Variants in KYAT1 observed in about 807,000 individuals in gnomAD.
The protein encoded by KYAT1 is kynurenine--oxoglutarate transaminase 1.
In KYAT1, 47 loss-of-function variants were observed where a neutral mutation model predicts 52.4. That is an observed-to-expected ratio of 0.90 (90% CI 0.71 to 1.14). The LOEUF (loss-of-function observed/expected upper bound fraction) is 1.14. Ranked by LOEUF, KYAT1 falls within the 50% of genes most tolerant of loss-of-function variation. The pLI, the probability that KYAT1 is intolerant of heterozygous loss-of-function variation, is 0.00. For missense variants in KYAT1, 480 were observed against 557.9 expected (o/e 0.86, Z 1.41); for synonymous variants, 212 against 209.6 (o/e 1.01, Z -0.10).
intron 1 of KYAT1, chr9:128,846,937 G>A: frequency 8.0e-7 from 1 of 1,243,256 alleles, no homozygotes. Context: ...TCTCACTAGA[G>A]GTGCCACAAT....
At chr9:128,880,608 A>AT (rs1202197415) in intron 1 of KYAT1, among the ~76,000 whole-genome samples, 1 of 151,642 alleles carries the variant, frequency 6.6e-6, no homozygotes, top group Admixed American at 6.6e-5. Flanking sequence ...CACCCGGCTA[A>AT]TTTTTTTGTA....
At chr9:128,841,654 C>A (rs1026908323) in intron 3 of KYAT1, among the ~76,000 whole-genome samples, 2 of 149,924 alleles carry the variant, frequency 1.3e-5, no homozygotes, top group African/African-American at 4.9e-5. Flanking sequence ...CGAGATTGCG[C>A]CCCTGCACTC....
Position 128,836,012 on chromosome 9 carries a change from G to A in KYAT1, c.750C>T (p.Ser250=), listed in dbSNP as rs1351929882. 11 of 1,613,380 alleles carry A rather than the reference G, an allele frequency of 6.8e-6. No homozygotes were observed. Among genetic ancestry groups the A allele is most frequent in the African/African-American group, 1.3e-5 (1 of 74,914 alleles). ...LTIGSAGKTF[S]ATGWKVGWVL... ...AGCAACTCACCTTCCAGCCAGTGGC[G>A]CTGAAGGTCTTGCCGGCGCTGCCGA... Residue 250 remains serine, a synonymous_variant, in exon 8 of 13, where the codon AGC becomes AGT. Coordinates refer to ENST00000302586, the MANE Select transcript of KYAT1 (RefSeq NM_004059.5).
In KYAT1 at chr9:128,837,788, C is replaced by G; in HGVS notation, c.464G>C (p.Gly155Ala). The G allele has an allele frequency of 1.2e-6, 2 of 1,614,050 alleles. No homozygotes were observed. The highest frequency in any genetic ancestry group is 1.7e-6 in the Non-Finnish European group (2 of 1,179,986). Residue 155 changes from glycine (G) to alanine (A), a missense_variant, in exon 6 of 13, where the codon GGT (glycine) becomes GCT (alanine). Gly to Ala is a moderately conservative substitution (Grantham distance 60). Transcript: ENST00000302586. ...GTCCAGCTGCCAGTTGCTGCTGGAA[C>G]CCAGTTCTCCATTCTGGATGGGACC... The part of the protein sequence containing the change: ...KPGPIQNGEL[G>A]SSSNWQLDPM...
At chr9:128,860,735 G>C (rs1236718624) in intron 1 of KYAT1, among the ~76,000 whole-genome samples, 1 of 151,966 alleles carries the variant, frequency 6.6e-6, no homozygotes, top group Non-Finnish European at 1.5e-5. Flanking sequence ...GCTAATTTTT[G>C]TATTTTTAGT....
intron 1 of KYAT1, among the ~76,000 whole-genome samples, chr9:128,854,436 G>A (rs1834338153): frequency 6.6e-6 from 1 of 152,176 alleles, no homozygotes; most frequent in Admixed American, 6.5e-5. Context: ...GTGGGGGAGA[G>A]GTTTTGCTCG....
In KYAT1 at chr9:128,858,394, A is replaced by AT. The variant is rs1554812484; in HGVS notation, c.-6-12984dup. ...CCTGGGCAACAGAGTGAGACCATGT[A>AT]TAAAAAAAAAAAAAAAAAAAAGCCC... On this transcript the variant is annotated intron_variant, in intron 1 of 12. Coordinates refer to ENST00000302586, the MANE Select transcript of KYAT1 (RefSeq NM_004059.5). Among the ~76,000 whole-genome samples the AT allele has an allele frequency of 1.2e-4, 14 of 112,556 alleles. 1 individual carries two copies. Among genetic ancestry groups the AT allele is most frequent in the Admixed American group, 5.7e-4 (6 of 10,520 alleles). 73.8% of individuals were successfully genotyped at this position (112,556 alleles called of 152,430 possible).
intron 1 of KYAT1, chr9:128,846,600 C>CAAA (rs57333664): frequency 2.7e-3 from 1,112 of 418,600 alleles, no homozygotes; most frequent in South Asian, 5.9e-3. Flanking sequence ...AAGACTCTAC[C>CAAA]AAAAAAAAAA....
intron 1 of KYAT1, chr9:128,846,586 G>A (rs1423808804): frequency 1.2e-5 from 11 of 941,498 alleles, no homozygotes; most frequent in East Asian, 1.1e-4. Flanking sequence ...CCGACCCAAC[G>A]AGCAAGACTC....
intron 3 of KYAT1, 35 bp downstream of exon 3, chr9:128,842,619 C>T (rs751947506): frequency 1.2e-6 from 2 of 1,602,034 alleles, no homozygotes; most frequent in East Asian, 4.5e-5. Flanking sequence ...TCCCCTTCCT[C>T]CCCCAGTGCC....
At chr9:128,868,053 G>A (rs1476747368) in intron 1 of KYAT1, among the ~76,000 whole-genome samples, 3 of 151,200 alleles carry the variant, frequency 2.0e-5, no homozygotes, top group Non-Finnish European at 2.9e-5. Flanking sequence ...GATTACAGGC[G>A]TGAGCCACTG....
upstream of KYAT1, chr9:128,882,462 C>T: frequency 2.7e-6 from 1 of 366,698 alleles, no homozygotes; most frequent in Non-Finnish European, 4.9e-6. Context: ...GCCGGCTCCG[C>T]GGCGCGCGAG....
intron 3 of KYAT1, 108 bp from the exon 4 acceptor site, chr9:128,838,475 G>T: frequency 7.6e-7 from 1 of 1,309,072 alleles, no homozygotes; most frequent in Non-Finnish European, 1.1e-6. Context: ...TGGGGGCAAA[G>T]TCAGGTACTG....
chr9:128,848,872 A>G (rs1013757280), intron 1 of KYAT1, among the ~76,000 whole-genome samples: 1 of 151,802 alleles, frequency 6.6e-6, no homozygotes, highest in Non-Finnish European at 1.5e-5. Context: ...TCATGCCTGT[A>G]ACACGAACAC....
At chr9:128,839,916 G>T (rs1298221701) in intron 3 of KYAT1, among the ~76,000 whole-genome samples, 3 of 151,910 alleles carry the variant, frequency 2.0e-5, no homozygotes, top group Non-Finnish European at 1.5e-5. Context: ...AATTATCCAG[G>T]TGTAGTATCA....
At chr9:128,858,966 C>T (rs1370618756) in intron 1 of KYAT1, among the ~76,000 whole-genome samples, 11 of 149,142 alleles carry the variant, frequency 7.4e-5, no homozygotes, top group Non-Finnish European at 1.5e-5. Flanking sequence ...TGCACTCCAG[C>T]CTGGGTGACA....
intron 1 of KYAT1, among the ~76,000 whole-genome samples, chr9:128,854,538 G>C (rs866917539): frequency 1.3e-5 from 2 of 152,190 alleles, no homozygotes; most frequent in South Asian, 2.1e-4. Flanking sequence ...CCGCCGACCT[G>C]GGCCCAGCTA....
chr9:128,840,657 C>G (rs1461902590), intron 3 of KYAT1: 7 of 445,866 alleles, frequency 1.6e-5, no homozygotes. Context: ...ACTTTCCAAC[C>G]AGCTCTGAGA....
chr9:128,834,805 C>T (rs1484124958), intron 11 of KYAT1, among the ~76,000 whole-genome samples: 1 of 125,440 alleles, frequency 8.0e-6, no homozygotes, highest in Non-Finnish European at 1.6e-5. Context: ...GCACTCCCAC[C>T]TAGGCGACAG....
Sources: gnomAD v4.1 joint callset for allele counts (sites outside exome capture counted in the v4.1 genomes callset) on GRCh38, gnomAD v4.1.1 for gene constraint, MANE v1.5 for transcripts, NCBI Gene and HGNC (gene_info 2026-07-23, HGNC 2026-07-21) for gene names.